Variants in CSMD1 observed in about 807,000 individuals in gnomAD.
CSMD1 encodes the protein CUB and Sushi multiple domains 1.
Under a neutral mutation model 417.5 loss-of-function variants are expected in CSMD1, and 213 were observed. That is an observed-to-expected ratio of 0.51 (90% CI 0.46 to 0.57). The LOEUF (loss-of-function observed/expected upper bound fraction) is 0.57, where lower values mean the gene tolerates loss of function less well. CSMD1 is among the 20% of genes least tolerant of loss of function. The pLI, the probability that CSMD1 is intolerant of heterozygous loss-of-function variation, is 0.00. For missense variants in CSMD1, 6,923 were observed against 4,529.7 expected, an observed-to-expected ratio of 1.53 and a Z score of -15.17; for synonymous variants, 2,862 against 1,736.8, an observed-to-expected ratio of 1.65 and a Z score of -16.11.
rs566547047 is a variant in CSMD1 at position 4,668,573 on chromosome 8, C to T, written c.86-31015G>A. On this transcript the variant is annotated intron_variant, in intron 1 of 69. Transcript: ENST00000635120. ...CACGCCATTCTCCTGCCTCAGCCTC[C>T]AGAGAAGCTGGGAATACAGGCGTCC... Among the ~76,000 whole-genome samples, 511 of 151,778 alleles carry T rather than the reference C, an allele frequency of 3.4e-3. 2 individuals are homozygous for T. The highest frequency in any genetic ancestry group is 0.012 in the African/African-American group (490 of 41,412).
At chr8:4,729,312 CA>C (rs1225858062) in intron 1 of CSMD1, among the ~76,000 whole-genome samples, 3 of 152,162 alleles carry the variant, frequency 2.0e-5, no homozygotes, top group Non-Finnish European at 4.4e-5. Flanking sequence ...ATGATCCACA[CA>C]AAGGTGTTTT....
chr8:3,834,389 G>A (rs1159486526), intron 5 of CSMD1, among the ~76,000 whole-genome samples: 1 of 151,936 alleles, frequency 6.6e-6, no homozygotes, highest in Non-Finnish European at 1.5e-5. Context: ...TCAACCAATT[G>A]TGCCTGCACA....
At position 4,562,420 on chromosome 8, in the gene CSMD1, T is replaced by A. The variant is rs534644499; in HGVS notation, c.302+74922A>T. Among the ~76,000 whole-genome samples, 21 of 152,296 alleles carry A rather than the reference T, an allele frequency of 1.4e-4. No individual in the cohort carries two copies. The South Asian group carries it at 4.2e-3, about 30-fold the overall frequency. ...CAAATTAGTAAATTATTTTAATTCT[T>A]TAATCAGAAGAAGTTGAAGTTATAA... On this transcript the variant is annotated intron_variant, in intron 2 of 69. Transcript: ENST00000635120.
chr8:3,644,224 TC>T (rs1585009671), intron 7 of CSMD1, among the ~76,000 whole-genome samples: 1 of 152,226 alleles, frequency 6.6e-6, no homozygotes, highest in Non-Finnish European at 1.5e-5. Context: ...TTCAATAAAC[TC>T]CCCAGGTCGT....
chr8:3,624,531 G>T (rs980283743), intron 7 of CSMD1, among the ~76,000 whole-genome samples: 2 of 152,318 alleles, frequency 1.3e-5, no homozygotes, highest in African/African-American at 4.8e-5. Flanking sequence ...AAGATGTACA[G>T]ATGTATTTCA....
At chr8:3,164,126 G>T (rs760264583) in intron 37 of CSMD1, among the ~76,000 whole-genome samples, 1 of 152,138 alleles carries the variant, frequency 6.6e-6, no homozygotes, top group Non-Finnish European at 1.5e-5. Context: ...AGAGAGAGAA[G>T]TGTCTTCATC....
intron 1 of CSMD1, among the ~76,000 whole-genome samples, chr8:4,942,440 C>G (rs1808070598): frequency 6.6e-6 from 1 of 152,078 alleles, no homozygotes; most frequent in Non-Finnish European, 1.5e-5. Context: ...TCATGCCCAA[C>G]CAACCATCAT....
chr8:4,807,170 A>G (rs1407266885), intron 1 of CSMD1, among the ~76,000 whole-genome samples: 3 of 152,214 alleles, frequency 2.0e-5, no homozygotes, highest in Non-Finnish European at 2.9e-5. Context: ...ATTAAAGTGG[A>G]TGACATTATT....
intron 4 of CSMD1, among the ~76,000 whole-genome samples, chr8:4,021,991 GGTCT>G (rs1201517233): frequency 5.3e-5 from 8 of 151,758 alleles, no homozygotes; most frequent in Admixed American, 3.9e-4. Flanking sequence ...AGGATAGTTA[GGTCT>G]GTCTAATTCT....
intron 41 of CSMD1, among the ~76,000 whole-genome samples, chr8:3,121,776 G>C (rs1001274450): frequency 1.3e-5 from 2 of 152,140 alleles, no homozygotes; most frequent in Non-Finnish European, 2.9e-5. Flanking sequence ...TCCAGCCTGG[G>C]TGACAGAGCA....
chr8:3,738,493 G>C (rs1310304648), intron 6 of CSMD1, among the ~76,000 whole-genome samples: 4 of 152,174 alleles, frequency 2.6e-5, no homozygotes, highest in Admixed American at 6.5e-5. Context: ...TTAAGTTAGA[G>C]TTTTGATCCT....
intron 12 of CSMD1, among the ~76,000 whole-genome samples, chr8:3,466,749 T>C (rs1816813448): frequency 6.6e-6 from 1 of 152,092 alleles, no homozygotes; most frequent in South Asian, 2.1e-4. Flanking sequence ...TAATATAATT[T>C]ATGAATAACT....
At chr8:4,099,799 G>A (rs1042308138) in intron 3 of CSMD1, among the ~76,000 whole-genome samples, 22 of 152,136 alleles carry the variant, frequency 1.4e-4, no homozygotes, top group Non-Finnish European at 5.9e-5. Flanking sequence ...GTACTGGGAA[G>A]GCTACTTTAA....
chr8:2,961,175 T>C lies in CSMD1; in HGVS notation c.9668A>G (p.His3223Arg), dbSNP rs780050136. The C allele has an allele frequency of 6.2e-7, 1 of 1,603,434 alleles. No homozygotes were observed. The change falls in exon 62 of 70, where the codon CAC (histidine) becomes CGC (arginine). Residue 3223 changes from histidine to arginine, a missense_variant. By Grantham distance (29) the His-to-Arg change is conservative. Coordinates refer to ENST00000635120, the MANE Select transcript of CSMD1 (RefSeq NM_033225.6). ...HNTCPDPGTPHFGIQNSSRGY... is the reference protein window; with the variant it reads ...HNTCPDPGTPRFGIQNSSRGY... ...TCTGGAGCTATTCTGTATTCCAAAG[T>C]GTGGCGTACCAGGGTCTGGGCAGGT...
intron 5 of CSMD1, among the ~76,000 whole-genome samples, chr8:3,973,915 C>T (rs907397371): frequency 6.6e-6 from 1 of 152,118 alleles, no homozygotes; most frequent in African/African-American, 2.4e-5. Flanking sequence ...TGTTTTGATA[C>T]AGGAATGCCA....
At chr8:3,437,282 T>A (rs1019116518) in intron 12 of CSMD1, among the ~76,000 whole-genome samples, 8 of 152,220 alleles carry the variant, frequency 5.3e-5, no homozygotes, top group African/African-American at 1.9e-4. Flanking sequence ...GCATCCCAAA[T>A]GACGGAGCGG....
intron 30 of CSMD1, among the ~76,000 whole-genome samples, chr8:3,214,283 A>G (rs1797771747): frequency 6.6e-6 from 1 of 152,206 alleles, no homozygotes; most frequent in African/African-American, 2.4e-5. Flanking sequence ...CGAAGGAAAA[A>G]TATTGCTCCT....
At chr8:4,372,441 T>C (rs1802450311) in intron 3 of CSMD1, among the ~76,000 whole-genome samples, 1 of 152,050 alleles carries the variant, frequency 6.6e-6, no homozygotes, top group Admixed American at 6.6e-5. Context: ...ATACCATGAA[T>C]TAGTGAACTC....
chr8:4,453,060 C>T (rs919228920), intron 2 of CSMD1, among the ~76,000 whole-genome samples: 2 of 152,116 alleles, frequency 1.3e-5, no homozygotes, highest in Non-Finnish European at 2.9e-5. Context: ...TGTGCTAGGA[C>T]CATGAATGGT....
Sources: gnomAD v4.1 joint callset for allele counts (sites outside exome capture counted in the v4.1 genomes callset) on GRCh38, gnomAD v4.1.1 for gene constraint, MANE v1.5 for transcripts, NCBI Gene and HGNC (gene_info 2026-07-23, HGNC 2026-07-21) for gene names.